MBOAT2: variants seen among roughly 807,000 people sequenced by gnomAD.
The protein encoded by MBOAT2 is membrane-bound glycerophospholipid O-acyltransferase 2.
Under a neutral mutation model 63.4 loss-of-function variants are expected in MBOAT2, and 28 were observed. That is an observed-to-expected ratio of 0.44 (90% CI 0.33 to 0.61). The LOEUF (loss-of-function observed/expected upper bound fraction) is 0.61, where lower values mean the gene tolerates loss of function less well. Among genes scored for constraint, MBOAT2 ranks in the 20% least tolerant of loss-of-function variants. The pLI is 0.03. For missense variants in MBOAT2, 470 were observed against 605.8 expected (o/e 0.78, Z 2.35); for synonymous variants, 211 against 215.6 (o/e 0.98, Z 0.19).
At chr2:8,964,803 C>A (rs1243516392) in intron 1 of MBOAT2, among the ~76,000 whole-genome samples, 1 of 152,302 alleles carries the variant, frequency 6.6e-6, no homozygotes, top group African/African-American at 2.4e-5. Context: ...AACATTATTT[C>A]TCTATTTTTT....
At position 8,908,608 on chromosome 2, in the gene MBOAT2, G is replaced by A; in HGVS notation, c.395+13C>T. ...GGATAAAACAGGCTACTGAATCAAA[G>A]TTTTCATCTTACCCTGAAAAATCAG... On this transcript the variant is annotated intron_variant, in intron 4 of 12. Transcript: ENST00000305997. 6.6e-7 allele frequency: 1 copy of A among 1,516,584 alleles called. No individual in the cohort carries two copies. The allele number at this position is 1,516,584 out of a possible 1,614,324, so 93.9% of individuals were successfully genotyped here.
At chr2:8,893,838 C>T (rs1664205103) in intron 4 of MBOAT2, among the ~76,000 whole-genome samples, 2 of 152,068 alleles carry the variant, frequency 1.3e-5, no homozygotes, top group South Asian at 4.1e-4. Context: ...AAGGATGTTC[C>T]AAGGAGAGAC....
intron 2 of MBOAT2, among the ~76,000 whole-genome samples, chr2:8,944,770 G>T (rs1352421964): frequency 6.6e-6 from 1 of 151,644 alleles, no homozygotes; most frequent in Non-Finnish European, 1.5e-5. Flanking sequence ...ATAGAAGAAA[G>T]CTTTTTTAAA....
chr2:8,895,728 G>A (rs568251673), intron 4 of MBOAT2, among the ~76,000 whole-genome samples: 10 of 152,256 alleles, frequency 6.6e-5, no homozygotes, highest in African/African-American at 1.7e-4. Flanking sequence ...AAGGGGCCCT[G>A]CAGCTGTAGT....
At chr2:8,995,734 G>A (rs931983236) in intron 1 of MBOAT2, among the ~76,000 whole-genome samples, 1 of 152,008 alleles carries the variant, frequency 6.6e-6, no homozygotes, top group Admixed American at 6.5e-5. Flanking sequence ...GGGACCACGG[G>A]CACCCGCCAC....
At chr2:8,892,607 AAAT>A (rs1416386235) in intron 4 of MBOAT2, among the ~76,000 whole-genome samples, 1 of 152,212 alleles carries the variant, frequency 6.6e-6, no homozygotes, top group Admixed American at 6.5e-5. Flanking sequence ...GATTATAAAC[AAAT>A]AAACAGGTAA....
chr2:8,864,260 TTG>T (rs1197980182), intron 9 of MBOAT2, 26 bp from the exon 10 acceptor site: 12 of 1,425,308 alleles, frequency 8.4e-6, no homozygotes, highest in Non-Finnish European at 1.1e-5. Context: ...ACTTTTTTCT[TTG>T]TGTCACAAAA....
At chr2:8,861,179 T>G (rs536944818) in intron 11 of MBOAT2, 1 of 152,634 alleles carries the variant, frequency 6.6e-6, no homozygotes, top group African/African-American at 2.4e-5. Context: ...TAAAGTTTGG[T>G]TTACCTTCAT....
intron 3 of MBOAT2, among the ~76,000 whole-genome samples, chr2:8,917,162 A>G (rs1250589097): frequency 6.6e-6 from 1 of 152,230 alleles, no homozygotes; most frequent in Admixed American, 6.5e-5. Flanking sequence ...TAAAAACTAG[A>G]ACTGTAAAAC....
chr2:8,881,437 A>G (rs1213389751), intron 6 of MBOAT2, among the ~76,000 whole-genome samples: 3 of 152,162 alleles, frequency 2.0e-5, no homozygotes, highest in Non-Finnish European at 4.4e-5. Context: ...CTAATTTTAA[A>G]TTGGGGTAAT....
At chr2:8,895,046 GTTACCGCCTCATAAAGGCGGT>G (rs1572986242) in intron 4 of MBOAT2, among the ~76,000 whole-genome samples, 2 of 152,216 alleles carry the variant, frequency 1.3e-5, no homozygotes, top group Admixed American at 1.3e-4. Context: ...CATGGTGAGT[GTTACCGCCTCATAAAGGCGGT>G]GGGGACCCAA....
intron 1 of MBOAT2, among the ~76,000 whole-genome samples, chr2:8,996,055 T>C (rs1672279474): frequency 6.6e-6 from 1 of 152,190 alleles, no homozygotes; most frequent in South Asian, 2.1e-4. Flanking sequence ...CCTGGGAATG[T>C]ACACTTTTAA....
chr2:8,868,443 C>T lies in MBOAT2; in HGVS notation c.987+3G>A. 6.2e-7 allele frequency: 1 copy of T among 1,611,486 alleles called. No homozygotes were observed. The highest frequency in any genetic ancestry group is 8.5e-7 in the Non-Finnish European group (1 of 1,178,564). On this transcript the variant is annotated splice_donor_region_variant and intron_variant, in intron 9 of 12. Coordinates refer to ENST00000305997, the MANE Select transcript of MBOAT2 (RefSeq NM_138799.4). ...GTAACTAACTTCTTAAAGATTGACTCACCTCTATTTGTTGAATTCTCAAAT... is the reference window on the plus strand; with the variant it reads ...GTAACTAACTTCTTAAAGATTGACTTACCTCTATTTGTTGAATTCTCAAAT...
chr2:8,892,311 ATCCT>A (rs1255494742), intron 4 of MBOAT2, among the ~76,000 whole-genome samples: 1 of 152,224 alleles, frequency 6.6e-6, no homozygotes, highest in Non-Finnish European at 1.5e-5. Context: ...CACCTCAGTT[ATCCT>A]AAGTGTACAA....
intron 4 of MBOAT2, among the ~76,000 whole-genome samples, chr2:8,896,952 C>A (rs150954074): frequency 1.3e-5 from 2 of 152,314 alleles, no homozygotes; most frequent in East Asian, 3.9e-4. Context: ...AGGAAGGCTA[C>A]GGGCTGTCAG....
chr2:8,965,966 T>TC (rs1360747072), intron 1 of MBOAT2, among the ~76,000 whole-genome samples: 1 of 152,126 alleles, frequency 6.6e-6, no homozygotes, highest in African/African-American at 2.4e-5. Context: ...CCCCAAAAAA[T>TC]CAATTGTTAC....
chr2:8,873,435 A>G, intron 7 of MBOAT2, 135 bp from the exon 8 acceptor site: 1 of 870,762 alleles, frequency 1.1e-6, no homozygotes, highest in Non-Finnish European at 1.7e-6. Flanking sequence ...CAAGAGCTAC[A>G]TTGCACTTGG....
intron 1 of MBOAT2, among the ~76,000 whole-genome samples, chr2:8,970,916 C>A (rs1670399433): frequency 6.6e-6 from 1 of 151,894 alleles, no homozygotes; most frequent in African/African-American, 2.4e-5. Context: ...GACACATTCA[C>A]AGCCAATTTC....
chr2:8,904,633 A>G (rs1250894971), intron 4 of MBOAT2, among the ~76,000 whole-genome samples: 2 of 152,146 alleles, frequency 1.3e-5, no homozygotes, highest in African/African-American at 4.8e-5. Flanking sequence ...TTTATTATTC[A>G]AACAAACAGT....
Sources: allele counts gnomAD v4.1 joint callset (sites outside exome capture counted in the v4.1 genomes callset), GRCh38; gene constraint gnomAD v4.1.1; transcripts MANE v1.5; gene names NCBI Gene and HGNC (gene_info 2026-07-23, HGNC 2026-07-21).